Variants in TRPC4 observed in about 807,000 individuals in gnomAD.
TRPC4 encodes transient receptor potential cation channel subfamily C member 4.
Under a neutral mutation model 99.4 loss-of-function variants are expected in TRPC4, and 49 were observed. That is an observed-to-expected ratio of 0.49 (90% confidence interval 0.39 to 0.63). The LOEUF (loss-of-function observed/expected upper bound fraction) is 0.63. TRPC4 is among the 20% of genes least tolerant of loss of function. The probability of loss-of-function intolerance (pLI) is 0.00; values close to 1 mark genes in which losing one functional copy is unlikely to be tolerated. For synonymous variants in TRPC4, 454 were observed against 425.9 expected, an observed-to-expected ratio of 1.07 and a Z score of -0.81; for missense variants, 898 against 1,152.9, an observed-to-expected ratio of 0.78 and a Z score of 3.20.
At chr13:37,750,955 T>C (rs1955917431) in intron 2 of TRPC4, among the ~76,000 whole-genome samples, 1 of 152,202 alleles carries the variant, frequency 6.6e-6, no homozygotes, top group Admixed American at 6.5e-5. Flanking sequence ...TATCAGATTC[T>C]GGTATCAATG....
intron 6 of TRPC4, among the ~76,000 whole-genome samples, chr13:37,660,035 A>C (rs1239169440): frequency 6.6e-6 from 1 of 152,172 alleles, no homozygotes. Flanking sequence ...TAGTAATATA[A>C]ATATGGAAGT....
intron 3 of TRPC4, among the ~76,000 whole-genome samples, chr13:37,744,562 A>AT (rs1955683912): frequency 6.6e-6 from 1 of 152,130 alleles, no homozygotes; most frequent in Non-Finnish European, 1.5e-5. Flanking sequence ...TAATCACACA[A>AT]CTAGAGGAAA....
At chr13:37,827,740 G>GC (rs1175947551) in intron 1 of TRPC4, among the ~76,000 whole-genome samples, 2 of 152,190 alleles carry the variant, frequency 1.3e-5, no homozygotes, top group Non-Finnish European at 1.5e-5. Context: ...TCTGTGCCCT[G>GC]CCCCCAGAGG....
intron 3 of TRPC4, among the ~76,000 whole-genome samples, chr13:37,726,193 C>T (rs78325229): frequency 6.7e-6 from 1 of 150,026 alleles, no homozygotes; most frequent in African/African-American, 2.4e-5. Context: ...GAGACACCGT[C>T]CCCCCCCAAA....
Position 37,654,093 on chromosome 13 carries a change from C to A in TRPC4, c.1884+995G>T, listed in dbSNP as rs543412826. On this transcript the variant is annotated intron_variant, in intron 7 of 10. Coordinates refer to ENST00000379705, the MANE Select transcript of TRPC4 (RefSeq NM_016179.4). ...AATCAATAAATAAAAACCATCTATTCTCATGTTCTATGCAGTTTTTCATCA... is the reference window on the plus strand; with the variant it reads ...AATCAATAAATAAAAACCATCTATTATCATGTTCTATGCAGTTTTTCATCA... 2.6e-5 allele frequency among the ~76,000 whole-genome samples: 4 copies of A among 152,126 alleles called. No individual in the cohort carries two copies. In the East Asian group the frequency reaches 7.7e-4, roughly 29 times the overall value.
intron 1 of TRPC4, among the ~76,000 whole-genome samples, chr13:37,790,848 ATGGTGACATATT>A (rs1222889153): frequency 6.6e-6 from 1 of 152,124 alleles, no homozygotes; most frequent in Non-Finnish European, 1.5e-5. Flanking sequence ...AGGAGTTTGT[ATGGTGACATATT>A]TGGTGAGTTC....
At chr13:37,769,771 G>A (rs1228451369) in intron 2 of TRPC4, among the ~76,000 whole-genome samples, 1 of 151,478 alleles carries the variant, frequency 6.6e-6, no homozygotes, top group African/African-American at 2.4e-5. Context: ...CATATTTTAA[G>A]TCTGATCCTA....
intron 2 of TRPC4, among the ~76,000 whole-genome samples, chr13:37,752,340 T>C (rs997361789): frequency 1.3e-5 from 2 of 151,744 alleles, no homozygotes; most frequent in Non-Finnish European, 2.9e-5. Flanking sequence ...CTTGGCAAAG[T>C]GCCTAGCGGA....
At chr13:37,807,280 G>C (rs1459955686) in intron 1 of TRPC4, among the ~76,000 whole-genome samples, 1 of 151,882 alleles carries the variant, frequency 6.6e-6, no homozygotes, top group Non-Finnish European at 1.5e-5. Context: ...TATCCATAAA[G>C]AGCTGCTGAT....
At chr13:37,861,713 A>G (rs1959347909) in intron 1 of TRPC4, among the ~76,000 whole-genome samples, 1 of 151,588 alleles carries the variant, frequency 6.6e-6, no homozygotes, top group Non-Finnish European at 1.5e-5. Flanking sequence ...CTTGCACATT[A>G]CAAATCAAAA....
chr13:37,661,655 GA>G (rs995175443), intron 6 of TRPC4, among the ~76,000 whole-genome samples: 15 of 152,192 alleles, frequency 9.9e-5, no homozygotes, highest in Non-Finnish European at 1.5e-4. Context: ...TTCTCCATCA[GA>G]AATCCAGGAG....
intron 10 of TRPC4, among the ~76,000 whole-genome samples, 160 bp from the exon 11 acceptor site, chr13:37,637,785 T>C (rs970095552): frequency 2.6e-5 from 4 of 152,266 alleles, no homozygotes; most frequent in Non-Finnish European, 5.9e-5. Context: ...CTCTCACGGA[T>C]ACTTGATGTC....
intron 4 of TRPC4, among the ~76,000 whole-genome samples, chr13:37,688,933 C>T (rs1283455497): frequency 1.3e-5 from 2 of 152,168 alleles, no homozygotes; most frequent in Admixed American, 6.5e-5. Context: ...CTAAGGGACT[C>T]ATGGCCACTT....
At chr13:37,722,235 C>A (rs1428270176) in intron 3 of TRPC4, among the ~76,000 whole-genome samples, 1 of 152,130 alleles carries the variant, frequency 6.6e-6, no homozygotes, top group African/African-American at 2.4e-5. Flanking sequence ...TTTTACTCTT[C>A]CCCGACTATC....
rs777830902 is a variant in TRPC4 at position 37,636,920 on chromosome 13, C to T, written c.2917G>A (p.Val973Met). The T allele has an allele frequency of 1.9e-6, 3 of 1,611,158 alleles. No individual in the cohort carries two copies. Among genetic ancestry groups the T allele is most frequent in the South Asian group, 2.2e-5 (2 of 90,728 alleles). ...TTCAAGTATCACAATCTTGTGGTCA[C>T]GTAATCTTCGTGGGTGACTGTGTCT... ...LPDTVTHEDY[V>M]TTRL The change falls in exon 11 of 11, where the codon GTG becomes ATG. Residue 973 changes from valine to methionine, a missense_variant. Transcript: ENST00000379705.
chr13:37,717,277 A>G (rs1954709997), intron 3 of TRPC4, among the ~76,000 whole-genome samples: 1 of 152,162 alleles, frequency 6.6e-6, no homozygotes, highest in South Asian at 2.1e-4. Flanking sequence ...ATAGTTTTAG[A>G]ATAGAGGACT....
chr13:37,826,906 A>C (rs1958239765), intron 1 of TRPC4, among the ~76,000 whole-genome samples: 1 of 152,168 alleles, frequency 6.6e-6, no homozygotes, highest in Non-Finnish European at 1.5e-5. Flanking sequence ...ACTTTCAGGT[A>C]CACCAATCAG....
At chr13:37,669,612 G>T (rs1216607200) in intron 5 of TRPC4, among the ~76,000 whole-genome samples, 1 of 152,108 alleles carries the variant, frequency 6.6e-6, no homozygotes, top group Non-Finnish European at 1.5e-5. Context: ...AAAATTGAGA[G>T]CAAATACTGC....
At chr13:37,705,539 A>G (rs1954244709) in intron 3 of TRPC4, among the ~76,000 whole-genome samples, 1 of 152,178 alleles carries the variant, frequency 6.6e-6, no homozygotes, top group Non-Finnish European at 1.5e-5. Flanking sequence ...AAAATATTAT[A>G]TTGTAATCAA....
Sources: gnomAD v4.1 joint callset for allele counts (sites outside exome capture counted in the v4.1 genomes callset) on GRCh38, gnomAD v4.1.1 for gene constraint, MANE v1.5 for transcripts, NCBI Gene and HGNC (gene_info 2026-07-23, HGNC 2026-07-21) for gene names.